ROR1: variants seen among roughly 807,000 people sequenced by gnomAD.
The protein encoded by ROR1 is inactive tyrosine-protein kinase transmembrane receptor ROR1.
Under a neutral mutation model 78.8 loss-of-function variants are expected in ROR1, and 19 were observed. That is an observed-to-expected ratio of 0.24 (90% confidence interval 0.17 to 0.35). The LOEUF (loss-of-function observed/expected upper bound fraction) is 0.35. ROR1 is among the 10% of genes least tolerant of loss of function. ROR1 has a pLI of 1.00. For synonymous variants in ROR1, 386 were observed against 433.6 expected, an observed-to-expected ratio of 0.89 and a Z score of 1.36; for missense variants, 917 against 1,177.8, an observed-to-expected ratio of 0.78 and a Z score of 3.24.
chr1:64,083,690 G>A (rs1260759), intron 4 of ROR1, among the ~76,000 whole-genome samples: 151 of 152,138 alleles, frequency 9.9e-4, no homozygotes, highest in African/African-American at 3.5e-3. Context: ...GATTTTAAAC[G>A]GAAGAGAGAA....
In ROR1 at chr1:63,862,158, C is replaced by T. The variant is rs550631196; in HGVS notation, c.91+87650C>T. Among the ~76,000 whole-genome samples, 329 of 151,860 alleles carry T rather than the reference C, an allele frequency of 2.2e-3. 1 individual carries two copies. The highest frequency in any genetic ancestry group is 7.4e-3 in the African/African-American group (308 of 41,424). On this transcript the variant is annotated intron_variant, in intron 1 of 8. Transcript: ENST00000371079. ...CTGTAATCCCAGCACTTTGGGAGAC[C>T]GAGGCAGGTGGATCACTTGAGCTCA...
At position 64,180,266 on chromosome 1, in the gene ROR1, TAAAA is replaced by T. The variant is rs551549495; in HGVS notation, c.*1417_*1420del. ...ATTTTACTTTTGATTTTTCTCTTGT[TAAAA>T]AAAAACTCCTTTATTCTAAGAACAA... On this transcript the variant is annotated 3_prime_UTR_variant, in exon 9 of 9. Coordinates refer to ENST00000371079, the MANE Select transcript of ROR1 (RefSeq NM_005012.4). 6.6e-6 allele frequency: 1 copy of T among 151,488 alleles called. No individual in the cohort carries two copies. Among genetic ancestry groups the T allele is most frequent in the Non-Finnish European group, 1.5e-5 (1 of 67,870 alleles). 9.4% of individuals were successfully genotyped at this position (151,488 alleles called of 1,614,324 possible).
intron 4 of ROR1, among the ~76,000 whole-genome samples, chr1:64,133,018 G>A (rs937725230): frequency 6.6e-6 from 1 of 152,048 alleles, no homozygotes; most frequent in African/African-American, 2.4e-5. Flanking sequence ...CAGTGGTAAG[G>A]TGGGCGCTAA....
rs1650487573 is a variant in ROR1, at chr1:64,179,304, G to A, written c.*449G>A. 1 of 155,352 alleles carries A rather than the reference G, an allele frequency of 6.4e-6. No individual in the cohort carries two copies. The highest frequency in any genetic ancestry group is 1.4e-5 in the Non-Finnish European group (1 of 70,334). The allele number at this position is 155,352 out of a possible 1,614,324, so 9.6% of individuals were successfully genotyped here. On this transcript the variant is annotated 3_prime_UTR_variant, in exon 9 of 9. Coordinates refer to ENST00000371079, the MANE Select transcript of ROR1 (RefSeq NM_005012.4). The stretch of plus-strand genomic sequence containing the variant: ...TCTTTTCTTCAGGACAGATGTTCAG[G>A]AATTATATTGATTGAATTTAGACTC...
At chr1:64,107,749 T>C (rs1271748970) in intron 4 of ROR1, among the ~76,000 whole-genome samples, 2 of 152,116 alleles carry the variant, frequency 1.3e-5, no homozygotes, top group Middle Eastern at 3.2e-3. Context: ...ATAACCCCTA[T>C]TTATAAATAG....
At chr1:64,069,665 A>T (rs1186976623) in intron 4 of ROR1, among the ~76,000 whole-genome samples, 1 of 152,208 alleles carries the variant, frequency 6.6e-6, no homozygotes, top group Non-Finnish European at 1.5e-5. Flanking sequence ...ATTTTGAAAC[A>T]GCCCACCACT....
At chr1:64,101,885 C>T (rs2762853) in intron 4 of ROR1, among the ~76,000 whole-genome samples, 59,458 of 151,962 alleles carry the variant, frequency 0.39, 12,952 homozygotes, top group Non-Finnish European at 0.51. Context: ...TTGGCAGAAT[C>T]AAGGAATAAA....
At chr1:64,026,705 C>T (rs555665661) in intron 2 of ROR1, among the ~76,000 whole-genome samples, 6 of 152,134 alleles carry the variant, frequency 3.9e-5, no homozygotes, top group South Asian at 2.1e-4. Context: ...TCTTACATGG[C>T]GGCATGTGAG....
intron 1 of ROR1, among the ~76,000 whole-genome samples, chr1:63,940,579 G>A (rs1645830831): frequency 6.6e-6 from 1 of 152,090 alleles, no homozygotes; most frequent in South Asian, 2.1e-4. Flanking sequence ...CCTTAACAGT[G>A]TAATGCCAAC....
rs1401497432 is a variant in ROR1 at position 63,823,956 on chromosome 1, C to T, written c.91+49448C>T. Among the ~76,000 whole-genome samples the T allele has an allele frequency of 2.0e-5, 3 of 152,058 alleles. No individual in the cohort carries two copies. The East Asian group carries it at 5.8e-4, about 29-fold the overall frequency. The stretch of plus-strand genomic sequence containing the variant: ...AGAGATGGGGTTTCACCATGTTGGC[C>T]AGGCTGGTCTTGAACTCCTGACCTC... On this transcript the variant is annotated intron_variant, in intron 1 of 8. Coordinates refer to ENST00000371079, the MANE Select transcript of ROR1 (RefSeq NM_005012.4).
intron 1 of ROR1, among the ~76,000 whole-genome samples, chr1:64,007,186 C>G (rs1172195610): frequency 3.3e-5 from 5 of 152,154 alleles, no homozygotes; most frequent in Admixed American, 2.0e-4. Flanking sequence ...TTTTTAGTGG[C>G]TACCTAGAGC....
At chr1:64,062,290 T>C (rs976153879) in intron 4 of ROR1, among the ~76,000 whole-genome samples, 10 of 152,000 alleles carry the variant, frequency 6.6e-5, no homozygotes, top group South Asian at 4.2e-4. Context: ...CATGTGGGTG[T>C]TTTTTGTTGT....
chr1:63,839,474 C>A (rs183619723), intron 1 of ROR1, among the ~76,000 whole-genome samples: 9 of 152,012 alleles, frequency 5.9e-5, no homozygotes, highest in African/African-American at 1.9e-4. Context: ...TATAAGAAGG[C>A]TCTGTAGTGC....
At chr1:63,890,693 T>C (rs930734302) in intron 1 of ROR1, among the ~76,000 whole-genome samples, 1 of 151,828 alleles carries the variant, frequency 6.6e-6, no homozygotes, top group African/African-American at 2.4e-5. Flanking sequence ...TTTGGGGTGG[T>C]GGTGGAGGAG....
At position 64,179,029 on chromosome 1, in the gene ROR1, A is replaced by T; in HGVS notation, c.*174A>T. 2.1e-6 allele frequency: 1 copy of T among 482,142 alleles called. No individual in the cohort carries two copies. The highest frequency in any genetic ancestry group is 3.9e-5 in the Admixed American group (1 of 25,732). The allele number at this position is 482,142 out of a possible 1,614,324, so 29.9% of individuals were successfully genotyped here. On this transcript the variant is annotated 3_prime_UTR_variant, in exon 9 of 9. Coordinates refer to ENST00000371079, the MANE Select transcript of ROR1 (RefSeq NM_005012.4). ...GCAGGACAGACACTCGGCCAGAAAAAAAAAAAAAAAAAAAAAACAAGCAAA... is the reference window on the plus strand; with the variant it reads ...GCAGGACAGACACTCGGCCAGAAAATAAAAAAAAAAAAAAAAACAAGCAAA...
intron 1 of ROR1, among the ~76,000 whole-genome samples, chr1:63,920,982 C>G (rs565372180): frequency 1.3e-5 from 2 of 152,316 alleles, no homozygotes; most frequent in South Asian, 4.1e-4. Flanking sequence ...TCATTTAACT[C>G]TCCAGAAGAG....
chr1:63,986,093 A>C (rs959451823), intron 1 of ROR1, among the ~76,000 whole-genome samples: 1 of 152,188 alleles, frequency 6.6e-6, no homozygotes, highest in African/African-American at 2.4e-5. Flanking sequence ...ATGGAAAAAA[A>C]CTTAGAAATA....
intron 1 of ROR1, among the ~76,000 whole-genome samples, chr1:63,948,169 C>T (rs954226047): frequency 2.0e-5 from 3 of 152,108 alleles, no homozygotes; most frequent in African/African-American, 7.2e-5. Context: ...GCAAGTTGAT[C>T]CCCTGAGATA....
rs182429305 is a variant in ROR1 at position 63,970,177 on chromosome 1, C to T, written c.92-39128C>T. On this transcript the variant is annotated intron_variant, in intron 1 of 8. Transcript: ENST00000371079. ...TCCTCCAGGAAATCTTTATCGAATT[C>T]CCAAGTCTAGGTTGGACACCTCTAC... Among the ~76,000 whole-genome samples the T allele has an allele frequency of 1.3e-3, 204 of 152,208 alleles. 2 individuals are homozygous for T. Among genetic ancestry groups the T allele is most frequent in the East Asian group, 2.9e-3 (15 of 5,164 alleles).
Sources: allele counts gnomAD v4.1 joint callset (sites outside exome capture counted in the v4.1 genomes callset), GRCh38; gene constraint gnomAD v4.1.1; transcripts MANE v1.5; gene names NCBI Gene and HGNC (gene_info 2026-07-23, HGNC 2026-07-21).